Variants in PCSK9 observed in about 807,000 individuals in gnomAD.
PCSK9 encodes convertase subtilisin/kexin type 9 preproprotein.
In PCSK9, 57 loss-of-function variants were observed where a neutral mutation model predicts 62.1. The observed-to-expected ratio is 0.92, with a 90% CI of 0.74 to 1.14. The LOEUF is 1.14. PCSK9 is among the 50% of genes most tolerant of loss of function. The pLI is 0.00. For missense variants in PCSK9, 870 were observed against 959.8 expected, an observed-to-expected ratio of 0.91 and a Z score of 1.24; for synonymous variants, 387 against 409.4, an observed-to-expected ratio of 0.95 and a Z score of 0.66.
rs373512612 is a variant in PCSK9 at position 55,040,021 on chromosome 1, G to A, written c.184G>A (p.Ala62Thr). The change falls in exon 1 of 12, where the codon GCC (alanine) becomes ACC (threonine). Residue 62 changes from alanine (A) to threonine (T), a missense_variant. Transcript: ENST00000302118. This position sits in a 1 kb window ranked among gnomAD's most constrained non-coding sequence, Gnocchi z 4.1. ...CGAAGCACCCGAGCACGGAACCACA[G>A]CCACCTTCCACCGCTGCGCCAAGGT... ...LAEAPEHGTT[A>T]TFHRCAKDPW... 6.4e-7 allele frequency: 1 copy of A among 1,573,932 alleles called. No individual in the cohort carries two copies. Among genetic ancestry groups the A allele is most frequent in the Non-Finnish European group, 8.6e-7 (1 of 1,160,276 alleles).
At chr1:55,053,305 C>T (rs1644689951) in intron 5 of PCSK9, among the ~76,000 whole-genome samples, 1 of 152,102 alleles carries the variant, frequency 6.6e-6, no homozygotes, top group African/African-American at 2.4e-5. Context: ...AGCGGCCCCC[C>T]TATGAAGTCC....
chr1:55,061,693 C>T, intron 11 of PCSK9, 137 bp downstream of exon 11: 1 of 1,164,792 alleles, frequency 8.6e-7, no homozygotes. Context: ...TGGGCAGCTT[C>T]CGCCATTGTG....
In PCSK9 at chr1:55,056,074, G is replaced by A. The variant is rs746219017; in HGVS notation, c.881G>A (p.Ser294Asn). The change falls in exon 6 of 12, where the codon AGC becomes AAC. Residue 294 changes from serine (S) to asparagine (N), a missense_variant. By Grantham distance (46) the Ser-to-Asn change is conservative (BLOSUM62 1). Transcript: ENST00000302118. Reference sequence around the variant, plus strand: ...CTGCTGCCCCTGGCGGGTGGGTACAGCCGCGTCCTCAACGCCGCCTGCCAG... The same window carrying A: ...CTGCTGCCCCTGGCGGGTGGGTACAACCGCGTCCTCAACGCCGCCTGCCAG... ...VVLLPLAGGY[S>N]RVLNAACQRL... is the part of the protein sequence containing the mutation. 6.3e-6 allele frequency: 10 copies of A among 1,599,704 alleles called. No homozygotes were observed. In the African/African-American group the frequency reaches 1.3e-4, roughly 21 times the overall value.
At position 55,052,525 on chromosome 1, in the gene PCSK9, C is replaced by A. The variant is rs7552350; in HGVS notation, c.657+114C>A. 0.16 allele frequency: 242,193 copies of A among 1,535,416 alleles called. 19,261 individuals are homozygous for A. The highest frequency in any genetic ancestry group is 0.21 in the African/African-American group (15,487 of 74,352). Reference sequence around the variant, plus strand: ...CTGTACTCCTGGGTTGCACCCCCCCCAGCTGTCACTGTCCCCTCCCTGCCA... The same window carrying A: ...CTGTACTCCTGGGTTGCACCCCCCCAAGCTGTCACTGTCCCCTCCCTGCCA... On this transcript the variant is annotated intron_variant, in intron 4 of 11. Coordinates refer to ENST00000302118, the MANE Select transcript of PCSK9 (RefSeq NM_174936.4).
At chr1:55,043,318 C>T (rs1644609629) in intron 1 of PCSK9, among the ~76,000 whole-genome samples, 1 of 152,256 alleles carries the variant, frequency 6.6e-6, no homozygotes, top group African/African-American at 2.4e-5. Flanking sequence ...TTGACTTTCC[C>T]AGCAGGCCTA....
At chr1:55,058,305 G>T in intron 8 of PCSK9, 96 bp downstream of exon 8, 1 of 1,512,580 alleles carries the variant, frequency 6.6e-7, no homozygotes, top group South Asian at 1.2e-5. Context: ...TGTGTAAGGA[G>T]GATGACGCCA....
Position 55,051,061 on chromosome 1 carries a change from A to G in PCSK9, c.524-1217A>G, listed in dbSNP as rs115563225. The G allele has an allele frequency of 4.0e-3, 1,739 of 439,342 alleles. 24 individuals carry two copies. Among genetic ancestry groups the G allele is most frequent in the African/African-American group, 0.028 (1,404 of 49,436 alleles). 27.2% of individuals were successfully genotyped at this position (439,342 alleles called of 1,614,324 possible). ...CAGCCACCAGAAGCCGGAAGACGTGAGGCAGGGTTCTTCCCAGAGCCTTCG... is the reference window on the plus strand; with the variant it reads ...CAGCCACCAGAAGCCGGAAGACGTGGGGCAGGGTTCTTCCCAGAGCCTTCG... On this transcript the variant is annotated intron_variant, in intron 3 of 11. Transcript: ENST00000302118.
Position 55,052,376 on chromosome 1 carries a change from G to A in PCSK9, c.622G>A (p.Val208Met), listed in dbSNP as rs763487412. Residue 208 changes from valine (V) to methionine (M), a missense_variant, in exon 4 of 12, where the codon GTG (valine) becomes ATG (methionine). Transcript: ENST00000302118. ...GRVMVTDFEN[V>M]PEEDGTRFHR... ...GGTCATGGTCACCGACTTCGAGAAT[G>A]TGCCCGAGGAGGACGGGACCCGCTT... 2 of 1,613,928 alleles carry A rather than the reference G, an allele frequency of 1.2e-6. No homozygotes were observed. Among genetic ancestry groups the A allele is most frequent in the Non-Finnish European group, 1.7e-6 (2 of 1,180,020 alleles).
At chr1:55,054,932 G>A (rs913003065) in intron 5 of PCSK9, among the ~76,000 whole-genome samples, 2 of 152,118 alleles carry the variant, frequency 1.3e-5, no homozygotes, top group Non-Finnish European at 2.9e-5. Flanking sequence ...GTGAACCCGG[G>A]AGGCGGAGCT....
Position 55,040,018 on chromosome 1 carries a change from A to G in PCSK9, c.181A>G (p.Thr61Ala). The G allele has an allele frequency of 6.3e-7, 1 of 1,574,878 alleles. No individual in the cohort carries two copies. The highest frequency in any genetic ancestry group is 8.6e-7 in the Non-Finnish European group (1 of 1,160,782). The stretch of plus-strand genomic sequence containing the variant: ...GGCCGAAGCACCCGAGCACGGAACC[A>G]CAGCCACCTTCCACCGCTGCGCCAA... ...GLAEAPEHGT[T>A]ATFHRCAKDP... Residue 61 changes from threonine (T) to alanine (A), a missense_variant, in exon 1 of 12, where the codon ACA becomes GCA. Coordinates refer to ENST00000302118, the MANE Select transcript of PCSK9 (RefSeq NM_174936.4). The surrounding 1 kb of genome is among the most constrained non-coding windows in gnomAD (Gnocchi z 4.1).
intron 6 of PCSK9, among the ~76,000 whole-genome samples, chr1:55,056,541 T>C (rs1644716689): frequency 1.3e-5 from 2 of 152,010 alleles, no homozygotes; most frequent in South Asian, 4.2e-4. Flanking sequence ...CCCCAGGCCC[T>C]GCGTCCTCTG....
rs1177467649 is a variant in PCSK9 at position 55,059,638 on chromosome 1, C to T, written c.1656C>T (p.Cys552=). 1.9e-6 allele frequency: 3 copies of T among 1,551,386 alleles called. No homozygotes were observed. The highest frequency in any genetic ancestry group is 1.2e-5 in the South Asian group (1 of 84,078). Residue 552 remains cysteine (C), a synonymous_variant, in exon 10 of 12, where the codon TGC becomes TGT. Coordinates refer to ENST00000302118, the MANE Select transcript of PCSK9 (RefSeq NM_174936.4). ...CCAGCATGGGGACCCGTGTCCACTG[C>T]CACCAACAGGGCCACGTCCTCACAG... ...AEASMGTRVH[C]HQQGHVLTGC...
intron 5 of PCSK9, among the ~76,000 whole-genome samples, chr1:55,054,149 C>T (rs988622658): frequency 3.1e-4 from 47 of 152,204 alleles, no homozygotes; most frequent in Admixed American, 2.2e-3. Flanking sequence ...TTTGGGAGGC[C>T]GAGGTGGGCA....
rs1484036219 is a variant in PCSK9 at position 55,059,531 on chromosome 1, G to A, written c.1549G>A (p.Gly517Ser). ...CTGCCGGGCCCACAACGCTTTTGGG[G>A]GTGAGGGTGTCTACGCCATTGCCAG... ...LVCRAHNAFG[G>S]EGVYAIARCC... The change falls in exon 10 of 12, where the codon GGT becomes AGT. Residue 517 changes from glycine to serine, a missense_variant. By Grantham distance (56) the Gly-to-Ser change is moderately conservative. Transcript: ENST00000302118. 4 of 1,564,150 alleles carry A rather than the reference G, an allele frequency of 2.6e-6. No homozygotes were observed. Among genetic ancestry groups the A allele is most frequent in the African/African-American group, 1.3e-5 (1 of 74,114 alleles).
intron 1 of PCSK9, 66 bp from the exon 2 acceptor site, chr1:55,043,777 A>G: frequency 6.4e-7 from 1 of 1,564,886 alleles, no homozygotes; most frequent in Middle Eastern, 2.2e-4. Context: ...TAGGGGTGAG[A>G]TAAAGTACAC....
intron 7 of PCSK9, 28 bp downstream of exon 7, chr1:55,057,542 A>G: frequency 6.3e-7 from 1 of 1,589,316 alleles, no homozygotes; most frequent in Non-Finnish European, 8.6e-7. Context: ...TGCCTCGGCC[A>G]CCGTGATGCT....
At chr1:55,051,179 C>G (rs1644670240) in intron 3 of PCSK9, 2 of 456,196 alleles carry the variant, frequency 4.4e-6, no homozygotes, top group Non-Finnish European at 8.8e-6. Flanking sequence ...AGATGAGAAT[C>G]TCTACTCTGC....
chr1:55,043,841 A>G lies in PCSK9; in HGVS notation c.208-2A>G. On this transcript the variant is annotated splice_acceptor_variant, in intron 1 of 11. Coordinates refer to ENST00000302118, the MANE Select transcript of PCSK9 (RefSeq NM_174936.4). LOFTEE classifies it high-confidence loss of function. ...ATCATGTTCCTCCTTGCATGGGGCCAGGATCCGTGGAGGTTGCCTGGCACC... is the reference window on the plus strand; with the variant it reads ...ATCATGTTCCTCCTTGCATGGGGCCGGGATCCGTGGAGGTTGCCTGGCACC... 6.2e-7 allele frequency: 1 copy of G among 1,614,074 alleles called. No individual in the cohort carries two copies. Among genetic ancestry groups the G allele is most frequent in the Non-Finnish European group, 8.5e-7 (1 of 1,180,040 alleles).
chr1:55,052,281 G>A lies in PCSK9; in HGVS notation c.527G>A (p.Gly176Glu), dbSNP rs1156464206. Residue 176 changes from glycine (G) to glutamate (E), a missense_variant, in exon 4 of 12, where the codon GGA (glycine) becomes GAA (glutamate). Gly to Glu is a moderately conservative substitution (Grantham distance 98). Transcript: ENST00000302118. ...YRADEYQPPD[G>E]GSLVEVYLLD... The stretch of plus-strand genomic sequence containing the variant: ...CCACAAATGTCGCCTTGGAAAGACG[G>A]AGGCAGCCTGGTGGAGGTGTATCTC... 3.7e-6 allele frequency: 6 copies of A among 1,614,028 alleles called. No homozygotes were observed. In the South Asian group the frequency reaches 4.4e-5, roughly 12 times the overall value.
Sources: allele counts gnomAD v4.1 joint callset (sites outside exome capture counted in the v4.1 genomes callset), GRCh38; gene constraint gnomAD v4.1.1; non-coding constraint Gnocchi (gnomAD v3.1); transcripts MANE v1.5; gene names NCBI Gene and HGNC (gene_info 2026-07-23, HGNC 2026-07-21).